The following EML4 variants were observed in gnomAD, a reference collection of about 807,000 sequenced individuals.
EML4 encodes echinoderm microtubule-associated protein-like 4.
EML4 carries 72 observed loss-of-function variants against 129.0 expected under a neutral mutation model. That is an observed-to-expected ratio of 0.56 (90% CI 0.46 to 0.68). The LOEUF is 0.68. Ranked by LOEUF, EML4 falls within the 30% of genes least tolerant of loss-of-function variation. The pLI is 0.00. For missense variants in EML4, 1,363 were observed against 1,190.6 expected (o/e 1.14, Z -2.13); for synonymous variants, 532 against 405.0 (o/e 1.31, Z -3.77).
chr2:42,191,715 C>T (rs930891871), intron 1 of EML4, among the ~76,000 whole-genome samples: 2 of 152,184 alleles, frequency 1.3e-5, no homozygotes, highest in African/African-American at 4.8e-5. Context: ...GCTCAGTTCT[C>T]TTTGCCGTTG....
chr2:42,219,908 A>G (rs907661291), intron 1 of EML4, among the ~76,000 whole-genome samples: 7 of 148,994 alleles, frequency 4.7e-5, no homozygotes, highest in Non-Finnish European at 5.9e-5. Flanking sequence ...CCTGGGCGAC[A>G]GAAGGAGACT....
At position 42,282,956 on chromosome 2, in the gene EML4, A is replaced by G. The variant is rs1424945272; in HGVS notation, c.925A>G (p.Thr309Ala). The change falls in exon 8 of 23, where the codon ACA becomes GCA. Residue 309 changes from threonine to alanine, a missense_variant. Thr to Ala is a moderately conservative substitution (Grantham distance 58, BLOSUM62 0). Transcript: ENST00000318522. ...AACTCAGCGACACTACCTGGGCCATACAGACTGTGTGAAATGGTTGGTATC... is the reference window on the plus strand; with the variant it reads ...AACTCAGCGACACTACCTGGGCCATGCAGACTGTGTGAAATGGTTGGTATC... ...ERTQRHYLGH[T>A]DCVKCLAIHP... 6.2e-7 allele frequency: 1 copy of G among 1,612,696 alleles called. No individual in the cohort carries two copies. Among genetic ancestry groups the G allele is most frequent in the African/African-American group, 1.3e-5 (1 of 74,938 alleles).
chr2:42,288,415 G>T (rs375723450), intron 11 of EML4, 93 bp downstream of exon 11: 16 of 569,340 alleles, frequency 2.8e-5, no homozygotes, highest in East Asian at 1.2e-4. Flanking sequence ...CTATCTATTC[G>T]TAAGTCGCAA....
At chr2:42,267,142 T>G (rs904727550) in intron 6 of EML4, among the ~76,000 whole-genome samples, 1 of 152,200 alleles carries the variant, frequency 6.6e-6, no homozygotes, top group Non-Finnish European at 1.5e-5. Context: ...ACTGAGATAA[T>G]AATAAGCCAT....
At position 42,245,092 on chromosome 2, in the gene EML4, T is replaced by TCC. The variant is rs1359092609; in HGVS notation, c.26-413_26-412insCC. Reference sequence around the variant, plus strand: ...GGAGTTTTTTGTTTTGAAATTTTCTTTCTTTTTTTTTTTTTTTTTTGAGAC... The same window carrying TCC: ...GGAGTTTTTTGTTTTGAAATTTTCTTCCTCTTTTTTTTTTTTTTTTTTGAGAC... On this transcript the variant is annotated intron_variant, in intron 1 of 22. Transcript: ENST00000318522. Among the ~76,000 whole-genome samples, 317 of 83,356 alleles carry TCC rather than the reference T, an allele frequency of 3.8e-3. 18 individuals are homozygous for TCC. The highest frequency in any genetic ancestry group is 0.015 in the African/African-American group (303 of 20,800). 54.7% of individuals were successfully genotyped at this position (83,356 alleles called of 152,430 possible). A position where few individuals can be genotyped will look rare whatever the true frequency, so the allele number is the denominator to read the frequency against.
intron 2 of EML4, among the ~76,000 whole-genome samples, chr2:42,252,168 T>C (rs181072888): frequency 6.6e-6 from 1 of 152,330 alleles, no homozygotes; most frequent in East Asian, 1.9e-4. Context: ...AGTGATAACT[T>C]TACTGTGTTA....
At chr2:42,300,660 G>A (rs886173065) in intron 13 of EML4, among the ~76,000 whole-genome samples, 5 of 152,224 alleles carry the variant, frequency 3.3e-5, no homozygotes, top group African/African-American at 9.6e-5. Flanking sequence ...ATAAAGGGGA[G>A]TAATCCTTGG....
intron 6 of EML4, among the ~76,000 whole-genome samples, chr2:42,279,461 C>CT (rs752973076): frequency 1.6e-3 from 226 of 142,382 alleles, no homozygotes; most frequent in Middle Eastern, 3.6e-3. Flanking sequence ...CACTTGCCGT[C>CT]TTTTTTTTTT....
At chr2:42,262,816 G>A (rs1403299844) in intron 4 of EML4, among the ~76,000 whole-genome samples, 1 of 151,912 alleles carries the variant, frequency 6.6e-6, no homozygotes, top group East Asian at 1.9e-4. Flanking sequence ...AATGAAAATG[G>A]CAGCCTTATA....
intron 17 of EML4, among the ~76,000 whole-genome samples, chr2:42,304,991 C>T (rs1247158697): frequency 6.6e-6 from 1 of 152,096 alleles, no homozygotes; most frequent in Non-Finnish European, 1.5e-5. Flanking sequence ...CAGTGGCACA[C>T]ACCTGTAATC....
At chr2:42,320,136 G>C (rs893218844) in intron 19 of EML4, 1 of 152,176 alleles carries the variant, frequency 6.6e-6, no homozygotes, top group Admixed American at 6.5e-5. Context: ...GCTAGCTGAT[G>C]CATGGGTCCC....
At chr2:42,260,873 C>T (rs930113597) in intron 3 of EML4, among the ~76,000 whole-genome samples, 2 of 152,150 alleles carry the variant, frequency 1.3e-5, no homozygotes, top group Non-Finnish European at 2.9e-5. Context: ...TTATTAGAGA[C>T]CATTTCTGTC....
chr2:42,273,020 C>T (rs550511805), intron 6 of EML4, among the ~76,000 whole-genome samples: 26 of 152,182 alleles, frequency 1.7e-4, no homozygotes, highest in South Asian at 8.3e-4. Flanking sequence ...CTGATTGCCT[C>T]CCTGCTATAG....
chr2:42,173,285 A>G (rs1261389121), intron 1 of EML4, among the ~76,000 whole-genome samples: 2 of 152,114 alleles, frequency 1.3e-5, no homozygotes, highest in African/African-American at 4.8e-5. Context: ...AATGTTTTTC[A>G]TGTAATATTT....
chr2:42,287,957 ATC>A (rs1384667920), intron 10 of EML4, among the ~76,000 whole-genome samples: 3 of 152,162 alleles, frequency 2.0e-5, no homozygotes, highest in Non-Finnish European at 4.4e-5. Flanking sequence ...ATTAGTCACT[ATC>A]TCTGAATAAT....
intron 1 of EML4, among the ~76,000 whole-genome samples, chr2:42,244,094 G>GTTTTTTTTTTTTTTT (rs898798718): frequency 1.8e-4 from 8 of 44,940 alleles, no homozygotes; most frequent in Non-Finnish European, 4.0e-4. Context: ...TTTTGTTTTT[G>GTTTTTTTTTTTTTTT]TTTTTTGTTT....
At chr2:42,238,570 C>T (rs1377846161) in intron 1 of EML4, among the ~76,000 whole-genome samples, 1 of 151,946 alleles carries the variant, frequency 6.6e-6, no homozygotes, top group African/African-American at 2.4e-5. Flanking sequence ...TTGTGAGACC[C>T]ATCTCTACAA....
chr2:42,274,992 C>G (rs185740441), intron 6 of EML4, among the ~76,000 whole-genome samples: 3 of 152,164 alleles, frequency 2.0e-5, no homozygotes, highest in Non-Finnish European at 4.4e-5. Flanking sequence ...AGAGCTCAAG[C>G]TAGTACTATT....
intron 1 of EML4, among the ~76,000 whole-genome samples, chr2:42,224,014 G>T (rs1238662508): frequency 6.6e-6 from 1 of 152,002 alleles, no homozygotes; most frequent in East Asian, 1.9e-4. Flanking sequence ...AGTTTTTCTT[G>T]CTTATTGAAT....
Sources: gnomAD v4.1 joint callset for allele counts (sites outside exome capture counted in the v4.1 genomes callset) on GRCh38, gnomAD v4.1.1 for gene constraint, MANE v1.5 for transcripts, NCBI Gene and HGNC (gene_info 2026-07-23, HGNC 2026-07-21) for gene names.